The following DLGAP2 variants were observed in gnomAD, a reference collection of about 807,000 sequenced individuals.
DLGAP2 encodes the protein DLG associated protein 2, also known as disks large-associated protein 2.
Under a neutral mutation model 100.3 loss-of-function variants are expected in DLGAP2, and 26 were observed. The ratio of observed to expected loss-of-function variants is 0.26; its 90% CI spans 0.19 to 0.36. The LOEUF is 0.36. Ranked by LOEUF, DLGAP2 falls within the 10% of genes least tolerant of loss-of-function variation. The pLI is 1.00. For missense variants in DLGAP2, 1,858 were observed against 1,453.2 expected (o/e 1.28, Z -4.53); for synonymous variants, 886 against 630.1 (o/e 1.41, Z -6.08).
chr8:786,640 G>A (rs138049394), intron 1 of DLGAP2, among the ~76,000 whole-genome samples: 1 of 152,024 alleles, frequency 6.6e-6, no homozygotes, highest in Non-Finnish European at 1.5e-5. Context: ...GCGCTGCCTC[G>A]GTGGTGCCTG....
intron 5 of DLGAP2, among the ~76,000 whole-genome samples, chr8:1,554,364 G>A (rs907077207): frequency 6.6e-6 from 1 of 152,200 alleles, no homozygotes; most frequent in Non-Finnish European, 1.5e-5. Flanking sequence ...CTGGCCATTT[G>A]CTTCTTTCTG....
In DLGAP2 at chr8:1,678,384, C is replaced by A; in HGVS notation, c.2459C>A (p.Thr820Asn). 1 of 1,614,004 alleles carries A rather than the reference C, an allele frequency of 6.2e-7. No individual in the cohort carries two copies. Among genetic ancestry groups the A allele is most frequent in the Non-Finnish European group, 8.5e-7 (1 of 1,179,884 alleles). The part of the protein sequence containing the change: ...STPTQYSAVR[T>N]VRTQGLFSYR... Reference sequence around the variant, plus strand: ...CCCACCCAGTACAGCGCGGTGAGAACTGTACGGACCCAGGGGCTCTTCAGC... The same window carrying A: ...CCCACCCAGTACAGCGCGGTGAGAAATGTACGGACCCAGGGGCTCTTCAGC... Residue 820 changes from threonine to asparagine, a missense_variant, in exon 12 of 15, where the codon ACT becomes AAT. Transcript: ENST00000637795.
chr8:1,621,515 C>T (rs1362027859), intron 6 of DLGAP2: 1 of 152,376 alleles, frequency 6.6e-6, no homozygotes, highest in Non-Finnish European at 1.5e-5. Context: ...TGCTGGCTCT[C>T]ACTCTCAGCT....
intron 2 of DLGAP2, among the ~76,000 whole-genome samples, chr8:1,094,337 C>T (rs752323703): frequency 1.3e-5 from 2 of 152,238 alleles, no homozygotes; most frequent in African/African-American, 2.4e-5. Context: ...TTCCAATCCA[C>T]TAACGGAGTT....
intron 2 of DLGAP2, among the ~76,000 whole-genome samples, chr8:1,070,772 C>T (rs901321530): frequency 6.6e-6 from 1 of 152,186 alleles, no homozygotes; most frequent in African/African-American, 2.4e-5. Flanking sequence ...TGATTGTGCA[C>T]AGGAAGAAGG....
chr8:1,044,325 C>T (rs958270232), intron 2 of DLGAP2, among the ~76,000 whole-genome samples: 2 of 152,192 alleles, frequency 1.3e-5, no homozygotes, highest in African/African-American at 4.8e-5. Context: ...CAAAACTCAG[C>T]CGTCTGTGAA....
intron 3 of DLGAP2, among the ~76,000 whole-genome samples, chr8:1,259,139 T>G (rs13278551): frequency 0.17 from 25,441 of 152,274 alleles, 2,495 homozygotes; most frequent in Middle Eastern, 0.38. Flanking sequence ...TTGTTTGTTC[T>G]GGATTGACAA....
At chr8:833,408 T>G (rs1027244512) in intron 1 of DLGAP2, among the ~76,000 whole-genome samples, 1 of 152,206 alleles carries the variant, frequency 6.6e-6, no homozygotes, top group African/African-American at 2.4e-5. Flanking sequence ...CCAGCTCCTC[T>G]TGAGGTTCTG....
chr8:1,101,690 A>G (rs990906623), intron 2 of DLGAP2, among the ~76,000 whole-genome samples: 1 of 149,668 alleles, frequency 6.7e-6, no homozygotes, highest in Non-Finnish European at 1.5e-5. Flanking sequence ...CGACACGACG[A>G]TGGGAAGGTC....
At chr8:1,011,892 C>T (rs999098127) in intron 2 of DLGAP2, among the ~76,000 whole-genome samples, 15 of 152,192 alleles carry the variant, frequency 9.9e-5, no homozygotes, top group African/African-American at 2.7e-4. Context: ...GACGTTTTCC[C>T]AGGGCTTTGT....
chr8:1,684,854 C>G (rs1450100665), intron 12 of DLGAP2, among the ~76,000 whole-genome samples: 2 of 152,114 alleles, frequency 1.3e-5, no homozygotes, highest in African/African-American at 4.8e-5. Context: ...TGAGATGCAA[C>G]TCTCATCAAG....
chr8:828,327 G>A (rs182210064), intron 1 of DLGAP2, among the ~76,000 whole-genome samples: 1 of 152,170 alleles, frequency 6.6e-6, no homozygotes, highest in Non-Finnish European at 1.5e-5. Context: ...TACGCCCCGG[G>A]GGGGCCAGTT....
intron 1 of DLGAP2, among the ~76,000 whole-genome samples, chr8:745,050 G>A (rs184627127): frequency 5.6e-4 from 85 of 152,310 alleles, no homozygotes; most frequent in Middle Eastern, 3.4e-3. Flanking sequence ...GCATGAACTC[G>A]TAAATACACA....
At chr8:1,632,765 T>C (rs1033753377) in intron 7 of DLGAP2, 62 bp from the exon 8 acceptor site, 15 of 1,508,572 alleles carry the variant, frequency 9.9e-6, no homozygotes, top group African/African-American at 1.4e-5. Context: ...CTCCTGGCTT[T>C]TCTGTAACGT....
At chr8:1,345,203 G>A (rs1046884461) in intron 3 of DLGAP2, among the ~76,000 whole-genome samples, 1 of 152,242 alleles carries the variant, frequency 6.6e-6, no homozygotes, top group African/African-American at 2.4e-5. Context: ...GAGTTCTGAG[G>A]AGCACTACTG....
At chr8:1,217,793 C>G (rs1798242594) in intron 2 of DLGAP2, among the ~76,000 whole-genome samples, 1 of 152,078 alleles carries the variant, frequency 6.6e-6, no homozygotes, top group East Asian at 1.9e-4. Context: ...TTAATAATAG[C>G]CATTCTGACT....
At chr8:1,700,534 G>A (rs1799537273) in intron 14 of DLGAP2, among the ~76,000 whole-genome samples, 2 of 152,362 alleles carry the variant, frequency 1.3e-5, no homozygotes, top group Non-Finnish European at 2.9e-5. Context: ...ATAATTGTGA[G>A]ATTTATCTAA....
At chr8:1,308,495 G>C (rs896910482) in intron 3 of DLGAP2, among the ~76,000 whole-genome samples, 1 of 152,116 alleles carries the variant, frequency 6.6e-6, no homozygotes, top group South Asian at 2.1e-4. Flanking sequence ...GGAAAGTATG[G>C]TCCATTCAGG....
intron 1 of DLGAP2, among the ~76,000 whole-genome samples, chr8:825,833 C>G (rs912747358): frequency 2.6e-5 from 4 of 152,190 alleles, no homozygotes; most frequent in African/African-American, 9.6e-5. Flanking sequence ...CTTATCTTTA[C>G]TTTGTGTTAT....
Sources: allele counts gnomAD v4.1 joint callset (sites outside exome capture counted in the v4.1 genomes callset), GRCh38; gene constraint gnomAD v4.1.1; transcripts MANE v1.5; gene names NCBI Gene and HGNC (gene_info 2026-07-23, HGNC 2026-07-21).